The following TRMT10B variants were observed in gnomAD, a reference collection of about 807,000 sequenced individuals.
The protein encoded by TRMT10B is tRNA methyltransferase 10 homolog B.
In TRMT10B, 33 loss-of-function variants were observed where a neutral mutation model predicts 43.8. The ratio of observed to expected loss-of-function variants is 0.75; its 90% CI spans 0.57 to 1.01. TRMT10B has a LOEUF of 1.01. TRMT10B is among the 50% of genes least tolerant of loss of function. The pLI, the probability that TRMT10B is intolerant of heterozygous loss-of-function variation, is 0.00. For synonymous variants in TRMT10B, 137 were observed against 130.6 expected (o/e 1.05, Z -0.34); for missense variants, 362 against 369.8 (o/e 0.98, Z 0.17).
intron 6 of TRMT10B, 54 bp from the exon 7 acceptor site, chr9:37,770,618 G>C (rs1243009888): frequency 4.0e-6 from 6 of 1,491,910 alleles, no homozygotes; most frequent in Non-Finnish European, 5.5e-6. Context: ...GCTTTCTCTG[G>C]ATTTAGAAAT....
rs771198905 is a variant in TRMT10B at position 37,768,151 on chromosome 9, T to C, written c.496T>C (p.Cys166Arg). Residue 166 changes from cysteine to arginine, a missense_variant, in exon 5 of 9, where the codon TGC (cysteine) becomes CGC (arginine). Cys to Arg is a radical substitution (Grantham distance 180). Transcript: ENST00000297994. ...AAAAGCTGACAGGCCATTTTGGATC[T>C]GCCTCACTGGATTCACAACAGACAG... ...NKKADRPFWI[C>R]LTGFTTDSPL... The C allele has an allele frequency of 1.9e-6, 3 of 1,614,220 alleles. No individual in the cohort carries two copies. The South Asian group carries it at 3.3e-5, about 18-fold the overall frequency.
At chr9:37,764,495 G>C (rs1020941632) in intron 4 of TRMT10B, among the ~76,000 whole-genome samples, 20 of 151,836 alleles carry the variant, frequency 1.3e-4, no homozygotes, top group African/African-American at 4.1e-4. Flanking sequence ...CTAAGGTTTT[G>C]TATTTTTAGT....
chr9:37,758,316 G>GT (rs1323059313), intron 1 of TRMT10B, among the ~76,000 whole-genome samples: 1 of 152,190 alleles, frequency 6.6e-6, no homozygotes, highest in Non-Finnish European at 1.5e-5. Flanking sequence ...TGAGGCTGGG[G>GT]TGGGAGAATC....
At chr9:37,760,946 TTA>T (rs1826265392) in intron 1 of TRMT10B, among the ~76,000 whole-genome samples, 1 of 152,212 alleles carries the variant, frequency 6.6e-6, no homozygotes, top group African/African-American at 2.4e-5. Context: ...ATTGACATCA[TTA>T]AGTGTTGTGT....
intron 4 of TRMT10B, 107 bp downstream of exon 4, chr9:37,763,860 A>C: frequency 1.3e-6 from 2 of 1,597,670 alleles, no homozygotes; most frequent in Non-Finnish European, 1.7e-6. Flanking sequence ...ATTCCTTAGT[A>C]AACTAGTAAA....
At chr9:37,752,951 A>G (rs62539381), upstream of TRMT10B, among the ~76,000 whole-genome samples, 450 of 152,244 alleles carry the variant, frequency 3.0e-3, 6 homozygotes, top group Non-Finnish European at 2.8e-3. Flanking sequence ...TGTTCTTTGT[A>G]ATAAATCTTG....
chr9:37,760,407 C>A (rs1224728084), intron 1 of TRMT10B, among the ~76,000 whole-genome samples: 1 of 152,194 alleles, frequency 6.6e-6, no homozygotes, highest in East Asian at 1.9e-4. Flanking sequence ...TGCCTGTAGT[C>A]CTAGCTACAT....
chr9:37,772,957 A>G (rs765634563), intron 7 of TRMT10B, among the ~76,000 whole-genome samples: 1 of 152,244 alleles, frequency 6.6e-6, no homozygotes, highest in Non-Finnish European at 1.5e-5. Context: ...ATTTTAATGT[A>G]GATTGTGTAT....
chr9:37,761,808 TTCAG>T, intron 1 of TRMT10B, 91 bp from the exon 2 acceptor site: 2 of 858,946 alleles, frequency 2.3e-6, no homozygotes. Context: ...ACACACTTCT[TTCAG>T]TAACACAATA....
chr9:37,766,299 C>T (rs1173104981), intron 4 of TRMT10B, among the ~76,000 whole-genome samples: 3 of 152,150 alleles, frequency 2.0e-5, no homozygotes, highest in Admixed American at 6.5e-5. Flanking sequence ...CTACATATGG[C>T]TAGCCAGTTT....
At chr9:37,759,717 T>C (rs971512849) in intron 1 of TRMT10B, among the ~76,000 whole-genome samples, 1 of 152,152 alleles carries the variant, frequency 6.6e-6, no homozygotes, top group African/African-American at 2.4e-5. Context: ...CTTAAGAGGC[T>C]GAGATGGGAG....
intron 3 of TRMT10B, 68 bp from the exon 4 acceptor site, chr9:37,763,561 A>G: frequency 7.0e-7 from 1 of 1,419,932 alleles, no homozygotes; most frequent in Non-Finnish European, 9.8e-7. Flanking sequence ...CACCTGGCTA[A>G]GATTTGTTTC....
At chr9:37,757,857 C>T (rs1825886035) in intron 1 of TRMT10B, among the ~76,000 whole-genome samples, 1 of 152,176 alleles carries the variant, frequency 6.6e-6, no homozygotes, top group African/African-American at 2.4e-5. Flanking sequence ...GCTATTGTCC[C>T]ATTACTCACA....
At chr9:37,770,803 G>A (rs1207139590) in intron 7 of TRMT10B, 64 bp downstream of exon 7, 2 of 1,551,378 alleles carry the variant, frequency 1.3e-6, no homozygotes, top group African/African-American at 2.7e-5. Flanking sequence ...AGAGGCATGT[G>A]CCCTGTTATA....
intron 4 of TRMT10B, among the ~76,000 whole-genome samples, chr9:37,766,432 T>C (rs1366191059): frequency 6.6e-6 from 1 of 152,182 alleles, no homozygotes; most frequent in South Asian, 2.1e-4. Context: ...TCTGTTCCAT[T>C]GGTCTATATC....
chr9:37,762,670 C>T lies in TRMT10B; in HGVS notation c.280C>T (p.Arg94Cys), dbSNP rs756079484. 1.3e-5 allele frequency: 21 copies of T among 1,584,830 alleles called. No homozygotes were observed. Among genetic ancestry groups the T allele is most frequent in the Non-Finnish European group, 1.7e-5 (20 of 1,164,016 alleles). ...AGAAAAAGAACGAAGAAAAGCCAAT[C>T]GTGCAGAAAATCCAGGTGACAATAA... Reference protein sequence around the residue: ...KQEKERRKANRAENPGICPQH... With the variant: ...KQEKERRKANCAENPGICPQH... Residue 94 changes from arginine (R) to cysteine (C), a missense_variant, in exon 3 of 9, where the codon CGT becomes TGT. Coordinates refer to ENST00000297994, the MANE Select transcript of TRMT10B (RefSeq NM_144964.4).
chr9:37,763,962 A>C lies in TRMT10B; in HGVS notation c.420+209A>C, dbSNP rs962480856. On this transcript the variant is annotated intron_variant, in intron 4 of 8. Transcript: ENST00000297994. Reference sequence around the variant, plus strand: ...TATATATAGTTTGGTTTAGTTTGCAAATTTTTACCTTGTCTTCTGTTTTAA... The same window carrying C: ...TATATATAGTTTGGTTTAGTTTGCACATTTTTACCTTGTCTTCTGTTTTAA... The C allele has an allele frequency of 3.5e-6, 3 of 845,764 alleles. No individual in the cohort carries two copies. In the South Asian group the frequency reaches 5.3e-5, roughly 15 times the overall value. The allele number at this position is 845,764 out of a possible 1,614,324, so 52.4% of individuals were successfully genotyped here. A position where few individuals can be genotyped will look rare whatever the true frequency, so the allele number is the denominator to read the frequency against.
Position 37,755,372 on chromosome 9 carries a change from G to GT in TRMT10B, c.-30+1521dup, listed in dbSNP as rs149781025. Among the ~76,000 whole-genome samples the GT allele has an allele frequency of 4.3e-3, 644 of 151,206 alleles. 4 individuals are homozygous for GT. The highest frequency in any genetic ancestry group is 0.015 in the African/African-American group (604 of 41,182). ...TGGCACACAATGTGGATGCCCTTAG[G>GT]TGTGTTTTTAACTGCACATTTACAA... On this transcript the variant is annotated intron_variant, in intron 1 of 8. Coordinates refer to ENST00000297994, the MANE Select transcript of TRMT10B (RefSeq NM_144964.4).
At chr9:37,772,453 C>T (rs1220951530) in intron 7 of TRMT10B, among the ~76,000 whole-genome samples, 5 of 151,606 alleles carry the variant, frequency 3.3e-5, no homozygotes, top group Non-Finnish European at 7.4e-5. Context: ...TGCCCAGCCT[C>T]GTGTTTAAAA....
Sources: allele counts gnomAD v4.1 joint callset (sites outside exome capture counted in the v4.1 genomes callset), GRCh38; gene constraint gnomAD v4.1.1; transcripts MANE v1.5; gene names NCBI Gene and HGNC (gene_info 2026-07-23, HGNC 2026-07-21).